CYFIP1: variants seen among roughly 807,000 people sequenced by gnomAD.
CYFIP1 encodes the protein cytoplasmic FMR1 interacting protein 1.
In CYFIP1, 58 loss-of-function variants were observed where a neutral mutation model predicts 163.5. The ratio of observed to expected loss-of-function variants is 0.35; its 90% CI spans 0.29 to 0.44. CYFIP1 has a LOEUF of 0.44. CYFIP1 is among the 20% of genes least tolerant of loss of function. CYFIP1 has a pLI of 1.00. For synonymous variants in CYFIP1, 663 were observed against 660.7 expected, an observed-to-expected ratio of 1.00 and a Z score of -0.05; for missense variants, 1,338 against 1,653.8, an observed-to-expected ratio of 0.81 and a Z score of 3.31.
intron 1 of CYFIP1, among the ~76,000 whole-genome samples, chr15:22,968,136 A>C (rs956030520): frequency 6.6e-6 from 1 of 152,180 alleles, no homozygotes; most frequent in African/African-American, 2.4e-5. Flanking sequence ...ACTCCATCTC[A>C]AAAAATAAAT....
At position 22,947,503 on chromosome 15, in the gene CYFIP1, C is replaced by T. The variant is rs552906465; in HGVS notation, c.-6-212G>A. Among the ~76,000 whole-genome samples the T allele has an allele frequency of 6.2e-4, 94 of 152,218 alleles. 2 individuals carry two copies. The highest frequency in any genetic ancestry group is 6.2e-4 in the Non-Finnish European group (42 of 68,000). On this transcript the variant is annotated intron_variant, in intron 1 of 30. Transcript: ENST00000617928. ...GGGAGGCCCTGTGCAGCTTATCCTT[C>T]CACACTCGCTGAGAACAGGCTCTCC...
chr15:22,972,616 T>C (rs1224986451), intron 1 of CYFIP1, among the ~76,000 whole-genome samples: 2 of 152,122 alleles, frequency 1.3e-5, no homozygotes, highest in African/African-American at 2.4e-5. Flanking sequence ...AAAGGATAGG[T>C]TCTTCAATAA....
At chr15:22,932,770 T>C (rs543571019) in intron 10 of CYFIP1, among the ~76,000 whole-genome samples, 1 of 152,272 alleles carries the variant, frequency 6.6e-6, no homozygotes, top group Admixed American at 6.5e-5. Flanking sequence ...AGTAAGATGG[T>C]ACACAGTTTA....
At chr15:22,903,294 T>G (rs979667573) in intron 22 of CYFIP1, among the ~76,000 whole-genome samples, 1 of 152,118 alleles carries the variant, frequency 6.6e-6, no homozygotes, top group African/African-American at 2.4e-5. Context: ...CAGGCCCTAC[T>G]ATGAGGCTGA....
intron 17 of CYFIP1, among the ~76,000 whole-genome samples, chr15:22,914,508 C>T (rs2060903209): frequency 6.6e-6 from 1 of 151,986 alleles, no homozygotes; most frequent in Non-Finnish European, 1.5e-5. Context: ...CTCAATGCAG[C>T]CACAAATTTC....
intron 23 of CYFIP1, among the ~76,000 whole-genome samples, chr15:22,886,004 G>C (rs1207289729): frequency 6.6e-6 from 1 of 152,184 alleles, no homozygotes; most frequent in African/African-American, 2.4e-5. Flanking sequence ...CTGACTCATA[G>C]TTCCACATGG....
intron 23 of CYFIP1, among the ~76,000 whole-genome samples, chr15:22,888,180 C>G (rs2059977427): frequency 6.6e-6 from 1 of 152,174 alleles, no homozygotes; most frequent in South Asian, 2.1e-4. Context: ...CCCTAGTTCA[C>G]TATTCATAAA....
At chr15:22,934,194 TTTTTTTTTTTG>T (rs2061633176) in intron 9 of CYFIP1, among the ~76,000 whole-genome samples, 1 of 130,892 alleles carries the variant, frequency 7.6e-6, no homozygotes, top group Non-Finnish European at 1.6e-5. Context: ...TTTTTTTTTT[TTTTTTTTTTTG>T]AGACAGAGTC....
In CYFIP1 at chr15:22,867,764, T is replaced by A. The variant is rs1223181742; in HGVS notation, c.*2264A>T. The A allele has an allele frequency of 6.6e-6, 1 of 152,174 alleles. No homozygotes were observed. Among genetic ancestry groups the A allele is most frequent in the Admixed American group, 6.5e-5 (1 of 15,284 alleles). The allele number at this position is 152,174 out of a possible 1,614,324, so 9.4% of individuals were successfully genotyped here. On this transcript the variant is annotated 3_prime_UTR_variant, in exon 31 of 31. Transcript: ENST00000617928. ...CTGAATGCTTAGAACAAACTTAACA[T>A]GTTTATAGAATATGGTCTCTTTGTA...
intron 23 of CYFIP1, among the ~76,000 whole-genome samples, chr15:22,889,336 G>A (rs920680639): frequency 2.0e-5 from 3 of 152,182 alleles, no homozygotes; most frequent in African/African-American, 4.8e-5. Context: ...GGCAGTGTAG[G>A]GGCTGACTCA....
chr15:22,918,635 C>T (rs1482951771), intron 14 of CYFIP1, 57 bp downstream of exon 14: 8 of 1,444,122 alleles, frequency 5.5e-6, no homozygotes, highest in East Asian at 2.5e-5. Context: ...TTGTTTGAAT[C>T]CAAGTTCATC....
At chr15:22,875,868 T>A (rs2059568913) in intron 26 of CYFIP1, among the ~76,000 whole-genome samples, 1 of 106,770 alleles carries the variant, frequency 9.4e-6, no homozygotes, top group Non-Finnish European at 1.9e-5. Flanking sequence ...CCACACAAGG[T>A]CCGTTCTCCA....
intron 30 of CYFIP1, 27 bp downstream of exon 30, chr15:22,872,798 G>A (rs751622807): frequency 1.2e-6 from 2 of 1,610,808 alleles, no homozygotes; most frequent in East Asian, 2.2e-5. Context: ...AAGGTCCATA[G>A]ATGGTGCGAG....
chr15:22,977,225 GCCTT>G, intron 1 of CYFIP1, among the ~76,000 whole-genome samples: 1 of 151,640 alleles, frequency 6.6e-6, no homozygotes, highest in South Asian at 2.1e-4. Context: ...AAATAAGGTC[GCCTT>G]CTGTGTGTTG....
chr15:22,980,818 A>G (rs911806725), upstream of CYFIP1, among the ~76,000 whole-genome samples: 5 of 151,672 alleles, frequency 3.3e-5, no homozygotes, highest in Non-Finnish European at 7.4e-5. Flanking sequence ...GGAGGGTTCC[A>G]GGCGCGGGTC....
In CYFIP1 at chr15:22,917,352, C is replaced by T; in HGVS notation, c.1674+436G>A. The T allele has an allele frequency of 2.4e-6, 3 of 1,248,318 alleles. No individual in the cohort carries two copies. Among genetic ancestry groups the T allele is most frequent in the Non-Finnish European group, 3.1e-6 (3 of 981,158 alleles). 77.3% of individuals were successfully genotyped at this position (1,248,318 alleles called of 1,614,324 possible). ...GAGAAGCACCTCGGGGAGGCCTGAACACACCAGGAGAGAGGACAGTGGGCA... is the reference window on the plus strand; with the variant it reads ...GAGAAGCACCTCGGGGAGGCCTGAATACACCAGGAGAGAGGACAGTGGGCA... On this transcript the variant is annotated intron_variant, in intron 15 of 30. Transcript: ENST00000617928. The surrounding 1 kb of genome is among the most constrained non-coding windows in gnomAD (Gnocchi z 4.2).
intron 14 of CYFIP1, among the ~76,000 whole-genome samples, chr15:22,918,274 C>T (rs1393249362): frequency 1.3e-5 from 2 of 152,282 alleles, no homozygotes; most frequent in Admixed American, 6.5e-5. Context: ...GCCCCGCCTG[C>T]CCGCAGCTGG....
intron 23 of CYFIP1, among the ~76,000 whole-genome samples, chr15:22,888,699 T>C (rs1452286522): frequency 6.9e-6 from 1 of 145,238 alleles, no homozygotes; most frequent in African/African-American, 2.6e-5. Flanking sequence ...GCCACTGCAA[T>C]CCAGCAATGG....
Position 22,917,663 on chromosome 15 carries a change from A to T in CYFIP1, c.1674+125T>A. 3 of 1,205,380 alleles carry T rather than the reference A, an allele frequency of 2.5e-6. No homozygotes were observed. Among genetic ancestry groups the T allele is most frequent in the Non-Finnish European group, 3.4e-6 (3 of 895,138 alleles). 74.7% of individuals were successfully genotyped at this position (1,205,380 alleles called of 1,614,324 possible). A position where few individuals can be genotyped will look rare whatever the true frequency, so the allele number is the denominator to read the frequency against. On this transcript the variant is annotated intron_variant, in intron 15 of 30. Coordinates refer to ENST00000617928, the MANE Select transcript of CYFIP1 (RefSeq NM_014608.6). This position sits in a 1 kb window ranked among gnomAD's most constrained non-coding sequence, Gnocchi z 4.2. ...AGGAGCAGCAGAAACCACAGGCGCC[A>T]CTTTCTCTGCCTGAGCAGGCAGCGA...
Sources: gnomAD v4.1 joint callset for allele counts (sites outside exome capture counted in the v4.1 genomes callset) on GRCh38, gnomAD v4.1.1 for gene constraint, Gnocchi (gnomAD v3.1) non-coding constraint, MANE v1.5 for transcripts, NCBI Gene and HGNC (gene_info 2026-07-23, HGNC 2026-07-21) for gene names.